The following GALNTL6 variants were observed in gnomAD, a reference collection of about 807,000 sequenced individuals.
GALNTL6 encodes the protein polypeptide N-acetylgalactosaminyltransferase like 6, also known as polypeptide N-acetylgalactosaminyltransferase-like 6.
GALNTL6 carries 46 observed loss-of-function variants against 73.7 expected under a neutral mutation model. The ratio of observed to expected loss-of-function variants is 0.62; its 90% confidence interval spans 0.49 to 0.80. The LOEUF is 0.80. Among genes scored for constraint, GALNTL6 ranks in the 30% least tolerant of loss-of-function variants. GALNTL6 has a pLI of 0.00. For missense variants in GALNTL6, 604 were observed against 755.0 expected (o/e 0.80, Z 2.34); for synonymous variants, 259 against 263.7 (o/e 0.98, Z 0.17).
chr4:172,959,456 C>G (rs547988569), intron 10 of GALNTL6, among the ~76,000 whole-genome samples: 1 of 151,962 alleles, frequency 6.6e-6, no homozygotes, highest in Non-Finnish European at 1.5e-5. Flanking sequence ...GCCGTCAATA[C>G]CTACAACAGT....
chr4:172,732,906 A>G (rs1736235966), intron 5 of GALNTL6, among the ~76,000 whole-genome samples: 1 of 152,198 alleles, frequency 6.6e-6, no homozygotes. Context: ...TATTTTAATT[A>G]CCTATCTCTT....
intron 2 of GALNTL6, among the ~76,000 whole-genome samples, chr4:171,900,336 C>A (rs144620621): frequency 6.6e-6 from 1 of 152,108 alleles, no homozygotes; most frequent in African/African-American, 2.4e-5. Context: ...GAGACAGAGT[C>A]TCACTCTGTT....
intron 2 of GALNTL6, among the ~76,000 whole-genome samples, chr4:171,908,216 A>G (rs1332150574): frequency 2.0e-5 from 3 of 151,884 alleles, no homozygotes; most frequent in Admixed American, 6.6e-5. Flanking sequence ...GCAACCTACA[A>G]AATGGGAGAA....
chr4:172,592,959 A>C (rs1274610926), intron 5 of GALNTL6, among the ~76,000 whole-genome samples: 1 of 152,036 alleles, frequency 6.6e-6, no homozygotes, highest in African/African-American at 2.4e-5. Flanking sequence ...TTTTTATCCT[A>C]GGATTTGAAA....
intron 2 of GALNTL6, among the ~76,000 whole-genome samples, chr4:171,834,328 T>A (rs12374386): frequency 0.39 from 58,699 of 151,746 alleles, 13,781 homozygotes; most frequent in East Asian, 0.63. Context: ...ACACAATGAG[T>A]TAACATTCAT....
chr4:171,821,646 T>TATATATAC (rs1201353882), intron 2 of GALNTL6, among the ~76,000 whole-genome samples: 1 of 17,884 alleles, frequency 5.6e-5, no homozygotes, highest in African/African-American at 7.6e-5. Context: ...AACGGATATA[T>TATATATAC]ATATATATAT....
chr4:172,985,259 A>G (rs1315318288), intron 10 of GALNTL6, among the ~76,000 whole-genome samples: 1 of 152,070 alleles, frequency 6.6e-6, no homozygotes, highest in Non-Finnish European at 1.5e-5. Context: ...CATGACCTGC[A>G]AAAAGTTCTA....
intron 7 of GALNTL6, among the ~76,000 whole-genome samples, chr4:172,825,327 G>A (rs73000119): frequency 0.049 from 7,444 of 152,018 alleles, 341 homozygotes; most frequent in Admixed American, 0.12. Flanking sequence ...GGAAAGGCTC[G>A]TGCTGGTTGG....
Position 172,183,731 on chromosome 4 carries a change from C to G in GALNTL6, c.139-45925C>G, listed in dbSNP as rs1392696929. On this transcript the variant is annotated intron_variant, in intron 2 of 12. Coordinates refer to ENST00000506823, the MANE Select transcript of GALNTL6 (RefSeq NM_001034845.3). ...TGTTGAGAGAAAATTTTCCATGAGC[C>G]CCTTGTGTTTTTGTATATCTTCTGA... Among the ~76,000 whole-genome samples the G allele has an allele frequency of 2.6e-5, 4 of 151,966 alleles. No individual in the cohort carries two copies. The East Asian group carries it at 7.7e-4, about 29-fold the overall frequency.
At chr4:172,727,888 G>A (rs1050914004) in intron 5 of GALNTL6, among the ~76,000 whole-genome samples, 7 of 150,238 alleles carry the variant, frequency 4.7e-5, no homozygotes, top group African/African-American at 1.7e-4. Context: ...TTTTTATTGA[G>A]GTAAAAAATA....
intron 12 of GALNTL6, among the ~76,000 whole-genome samples, chr4:173,035,233 C>G (rs1177142625): frequency 6.8e-6 from 1 of 146,566 alleles, no homozygotes; most frequent in Non-Finnish European, 1.5e-5. Context: ...GGCTGGAGTG[C>G]AATGGCGCAA....
intron 8 of GALNTL6, among the ~76,000 whole-genome samples, chr4:172,917,556 AAAAC>A (rs1223801997): frequency 6.6e-6 from 1 of 152,226 alleles, no homozygotes; most frequent in East Asian, 1.9e-4. Flanking sequence ...TTACACGAAA[AAAAC>A]AAACAACCCC....
intron 5 of GALNTL6, among the ~76,000 whole-genome samples, chr4:172,512,994 A>G (rs1734478038): frequency 6.6e-6 from 1 of 152,016 alleles, no homozygotes; most frequent in Non-Finnish European, 1.5e-5. Context: ...TGGATGCCTA[A>G]ATCTCCAGCA....
intron 5 of GALNTL6, among the ~76,000 whole-genome samples, chr4:172,421,049 T>C (rs1731040094): frequency 6.6e-6 from 1 of 152,034 alleles, no homozygotes; most frequent in Admixed American, 6.6e-5. Context: ...AAATACCTAA[T>C]GCACACTGGA....
At chr4:172,993,752 C>T (rs1751646125) in intron 10 of GALNTL6, among the ~76,000 whole-genome samples, 1 of 152,094 alleles carries the variant, frequency 6.6e-6, no homozygotes, top group Non-Finnish European at 1.5e-5. Context: ...ACTGTCTTCC[C>T]AAGAAAGGAT....
chr4:173,039,321 A>C (rs1384535961), intron 12 of GALNTL6, among the ~76,000 whole-genome samples: 1 of 152,238 alleles, frequency 6.6e-6, no homozygotes, highest in Non-Finnish European at 1.5e-5. Flanking sequence ...TTGTACATTC[A>C]GCTATTGCCT....
intron 5 of GALNTL6, among the ~76,000 whole-genome samples, chr4:172,760,617 C>T (rs1263014565): frequency 6.6e-6 from 1 of 152,116 alleles, no homozygotes; most frequent in Non-Finnish European, 1.5e-5. Context: ...CATGCCCTGG[C>T]CTGCAACTTC....
intron 10 of GALNTL6, among the ~76,000 whole-genome samples, chr4:172,975,435 G>A (rs1448991381): frequency 6.6e-6 from 1 of 151,296 alleles, no homozygotes; most frequent in African/African-American, 2.4e-5. Flanking sequence ...TTTTATGGAC[G>A]TCAGAAGAAG....
intron 3 of GALNTL6, among the ~76,000 whole-genome samples, chr4:172,241,836 T>G (rs886374033): frequency 6.6e-6 from 1 of 152,214 alleles, no homozygotes; most frequent in Non-Finnish European, 1.5e-5. Flanking sequence ...AGTTTTATAT[T>G]TTGTGAGAAT....
Sources: gnomAD v4.1 joint callset for allele counts (sites outside exome capture counted in the v4.1 genomes callset) on GRCh38, gnomAD v4.1.1 for gene constraint, MANE v1.5 for transcripts, NCBI Gene and HGNC (gene_info 2026-07-23, HGNC 2026-07-21) for gene names.